Variants in CFHR4 observed in about 807,000 individuals in gnomAD.
CFHR4 encodes the protein complement factor H related 4.
CFHR4 carries 64 observed loss-of-function variants against 69.3 expected under a neutral mutation model. The observed-to-expected ratio is 0.92, with a 90% CI of 0.76 to 1.14. CFHR4 has a LOEUF of 1.14. Ranked by LOEUF, CFHR4 falls within the 50% of genes most tolerant of loss-of-function variation. The pLI is 0.00. For missense variants in CFHR4, 636 were observed against 684.9 expected, an observed-to-expected ratio of 0.93 and a Z score of 0.80; for synonymous variants, 244 against 237.0, an observed-to-expected ratio of 1.03 and a Z score of -0.27.
intron 1 of CFHR4, among the ~76,000 whole-genome samples, chr1:196,888,902 C>A (rs140297655): frequency 6.6e-6 from 1 of 151,086 alleles, no homozygotes; most frequent in African/African-American, 2.4e-5. Flanking sequence ...TGTCATTGTT[C>A]TCTGATATGT....
chr1:196,916,633 AAT>A (rs1658649716), intron 9 of CFHR4, among the ~76,000 whole-genome samples: 1 of 151,796 alleles, frequency 6.6e-6, no homozygotes, highest in African/African-American at 2.4e-5. Context: ...CTCAAATCAA[AAT>A]AGTTTACAAG....
intron 2 of CFHR4, 139 bp downstream of exon 2, chr1:196,902,754 C>CT: frequency 1.7e-6 from 1 of 602,108 alleles, no homozygotes; most frequent in Non-Finnish European, 2.8e-6. Context: ...CAAAATGGAT[C>CT]TTTTTTGTTA....
At chr1:196,892,411 G>A (rs1450777197) in intron 1 of CFHR4, among the ~76,000 whole-genome samples, 1 of 151,486 alleles carries the variant, frequency 6.6e-6, no homozygotes, top group Admixed American at 6.6e-5. Context: ...TTTTGTGCCT[G>A]TTGTGTTTGT....
Position 196,915,128 on chromosome 1 carries a change from A to T in CFHR4, c.1530A>T (p.Pro510=), listed in dbSNP as rs150845796. The change falls in exon 9 of 10, where the codon CCA becomes CCT. Residue 510 remains proline, a synonymous_variant. Coordinates refer to ENST00000608469, the MANE Select transcript of CFHR4 (RefSeq NM_001201550.3). The stretch of plus-strand genomic sequence containing the variant: ...GTAATGGAGAGTGGTCGGAACCACC[A>T]AGATGCATACGTAAGTTCTTAAAAT... The part of the protein sequence containing the change: ...TCSNGEWSEP[P]RCIHPCIITE... The T allele has an allele frequency of 0.14, 215,444 of 1,504,516 alleles. 103 individuals carry two copies. Among genetic ancestry groups the T allele is most frequent in the East Asian group, 0.33 (12,567 of 37,998 alleles). 93.2% of individuals were successfully genotyped at this position (1,504,516 alleles called of 1,614,324 possible).
chr1:196,892,230 TA>T (rs971060257), intron 1 of CFHR4, among the ~76,000 whole-genome samples: 15 of 151,476 alleles, frequency 9.9e-5, no homozygotes, highest in Non-Finnish European at 1.6e-4. Context: ...TGGGAGCCAC[TA>T]AGGATTTTAA....
At chr1:196,892,872 A>G (rs1224228446) in intron 1 of CFHR4, among the ~76,000 whole-genome samples, 2 of 151,584 alleles carry the variant, frequency 1.3e-5, no homozygotes, top group African/African-American at 2.4e-5. Flanking sequence ...ATGTGTATTT[A>G]GCTTTAAAAA....
chr1:196,909,018 CA>C lies in CFHR4; in HGVS notation c.800-1261del, dbSNP rs564755197. On this transcript the variant is annotated intron_variant, in intron 5 of 9. Coordinates refer to ENST00000608469, the MANE Select transcript of CFHR4 (RefSeq NM_001201550.3). ...GTGTAAGTCCGGGCTCCAAACCATG[CA>C]AGTGGCAAGACTGCAGAGGAAAATT... Among the ~76,000 whole-genome samples, 260 of 151,602 alleles carry C rather than the reference CA, an allele frequency of 1.7e-3. 9 individuals carry two copies. Among genetic ancestry groups the C allele is most frequent in the African/African-American group, 6.0e-3 (245 of 41,160 alleles).
chr1:196,902,456 G>C lies in CFHR4; in HGVS notation c.97G>C (p.Gly33Arg). 1.2e-6 allele frequency: 2 copies of C among 1,611,362 alleles called. No homozygotes were observed. The highest frequency in any genetic ancestry group is 1.1e-5 in the South Asian group (1 of 90,882). ...PCDFPEIQHGGLYYKSLRRLY... is the reference protein window; with the variant it reads ...PCDFPEIQHGRLYYKSLRRLY... ...TGATTTTCCAGAAATTCAACATGGAGGTCTATATTATAAGAGTTTGCGTAG... is the reference window on the plus strand; with the variant it reads ...TGATTTTCCAGAAATTCAACATGGACGTCTATATTATAAGAGTTTGCGTAG... Residue 33 changes from glycine (G) to arginine (R), a missense_variant, in exon 2 of 10, where the codon GGT becomes CGT. Coordinates refer to ENST00000608469, the MANE Select transcript of CFHR4 (RefSeq NM_001201550.3).
chr1:196,899,398 A>T (rs1657477201), intron 1 of CFHR4, among the ~76,000 whole-genome samples: 1 of 151,450 alleles, frequency 6.6e-6, no homozygotes, highest in African/African-American at 2.4e-5. Context: ...GGCTCAAATG[A>T]TCTTCCCACT....
chr1:196,901,540 A>T (rs1208161113), intron 1 of CFHR4, among the ~76,000 whole-genome samples: 1 of 151,268 alleles, frequency 6.6e-6, no homozygotes, highest in Non-Finnish European at 1.5e-5. Flanking sequence ...TATAATGTGT[A>T]GTATAAGGTT....
chr1:196,896,351 C>G (rs1408078735), intron 1 of CFHR4, among the ~76,000 whole-genome samples: 2 of 151,548 alleles, frequency 1.3e-5, no homozygotes, highest in Admixed American at 1.3e-4. Context: ...TAGTCATTTT[C>G]TAATTTTCCC....
chr1:196,897,545 T>C (rs1158903619), intron 1 of CFHR4, among the ~76,000 whole-genome samples: 2 of 151,212 alleles, frequency 1.3e-5, no homozygotes, highest in African/African-American at 4.9e-5. Context: ...GTGATGGCGG[T>C]GGTTCTCAGC....
chr1:196,891,047 T>C (rs757177663), intron 1 of CFHR4, among the ~76,000 whole-genome samples: 2 of 151,386 alleles, frequency 1.3e-5, no homozygotes, highest in African/African-American at 2.4e-5. Context: ...GGCCAGGAGT[T>C]TGGGACCAGC....
At chr1:196,897,066 C>T (rs1657338494) in intron 1 of CFHR4, among the ~76,000 whole-genome samples, 1 of 151,432 alleles carries the variant, frequency 6.6e-6, no homozygotes, top group Non-Finnish European at 1.5e-5. Context: ...GAAGAAAAGG[C>T]AGGGCTCTGA....
Position 196,902,547 on chromosome 1 carries a change from C to T in CFHR4, c.188C>T (p.Pro63Leu). ...TACTGTGATCAAAATTTTGTGACTCCTTCAGGAAGTTACTGGGATTACATT... is the reference window on the plus strand; with the variant it reads ...TACTGTGATCAAAATTTTGTGACTCTTTCAGGAAGTTACTGGGATTACATT... ...SYYCDQNFVT[P>L]SGSYWDYIHC... is the part of the protein sequence containing the mutation. Residue 63 changes from proline to leucine, a missense_variant, in exon 2 of 10, where the codon CCT becomes CTT. This residue lies in a region of CFHR4 where 529 missense variants were observed against 533.2 expected (regional missense o/e 0.99). Transcript: ENST00000608469. 6.2e-7 allele frequency: 1 copy of T among 1,612,270 alleles called. No individual in the cohort carries two copies. Among genetic ancestry groups the T allele is most frequent in the Non-Finnish European group, 8.5e-7 (1 of 1,179,254 alleles).
rs1476030365 is a variant in CFHR4 at position 196,917,892 on chromosome 1, CAT to C, written c.1541-316_1541-315del. Among the ~76,000 whole-genome samples, 3 of 151,538 alleles carry C rather than the reference CAT, an allele frequency of 2.0e-5. 1 individual carries two copies. Among genetic ancestry groups the C allele is most frequent in the African/African-American group, 7.3e-5 (3 of 41,048 alleles). On this transcript the variant is annotated intron_variant, in intron 9 of 9. Coordinates refer to ENST00000608469, the MANE Select transcript of CFHR4 (RefSeq NM_001201550.3). ...CCATGACTCCAGTGGAACATGTTAG[CAT>C]AATCCTTTTTGATATGAAGTCACTA...
At chr1:196,889,457 G>A (rs187122565) in intron 1 of CFHR4, among the ~76,000 whole-genome samples, 2 of 151,434 alleles carry the variant, frequency 1.3e-5, no homozygotes, top group Admixed American at 1.3e-4. Context: ...ATTAGAATAA[G>A]CTCTACTTTC....
intron 5 of CFHR4, among the ~76,000 whole-genome samples, chr1:196,908,011 A>G (rs1381609775): frequency 6.6e-6 from 1 of 151,416 alleles, no homozygotes; most frequent in African/African-American, 2.4e-5. Flanking sequence ...GTCAAAAGTG[A>G]CATGGAGGAA....
chr1:196,905,291 G>T lies in CFHR4; in HGVS notation c.439+1G>T. 1 of 1,610,848 alleles carries T rather than the reference G, an allele frequency of 6.2e-7. No homozygotes were observed. Among genetic ancestry groups the T allele is most frequent in the Non-Finnish European group, 8.5e-7 (1 of 1,178,508 alleles). On this transcript the variant is annotated splice_donor_variant, in intron 3 of 9. Transcript: ENST00000608469. LOFTEE classifies it high-confidence loss of function. ...TGGTCAACACAACCAATTTGCATTAGTAAGTTATTTACATATTCCCACTCA... is the reference window on the plus strand; with the variant it reads ...TGGTCAACACAACCAATTTGCATTATTAAGTTATTTACATATTCCCACTCA...
Sources: gnomAD v4.1 joint callset for allele counts (sites outside exome capture counted in the v4.1 genomes callset) on GRCh38, gnomAD v4.1.1 for gene constraint, gnomAD v4.1.1 regional missense constraint, MANE v1.5 for transcripts, NCBI Gene and HGNC (gene_info 2026-07-23, HGNC 2026-07-21) for gene names.